Variants in EPHA10 observed in about 807,000 individuals in gnomAD.
The protein encoded by EPHA10 is EPH receptor A10, also known as ephrin type-A receptor 10.
A neutral mutation model predicts 109.7 loss-of-function variants in EPHA10; 120 were observed. The ratio of observed to expected loss-of-function variants is 1.09; its 90% confidence interval spans 0.94 to 1.27. EPHA10 has a LOEUF of 1.27. EPHA10 is among the 50% of genes most tolerant of loss of function. EPHA10 has a pLI of 0.00. For missense variants in EPHA10, 1,396 were observed against 1,411.1 expected (o/e 0.99, Z 0.17); for synonymous variants, 640 against 618.9 (o/e 1.03, Z -0.51).
intron 1 of EPHA10, among the ~76,000 whole-genome samples, chr1:37,763,213 T>C (rs919510494): frequency 6.6e-6 from 1 of 152,194 alleles, no homozygotes; most frequent in Non-Finnish European, 1.5e-5. Context: ...TGTTTTCTTT[T>C]GGAGGCTCTG....
chr1:37,725,914 A>C (rs1645883292), intron 8 of EPHA10, among the ~76,000 whole-genome samples: 1 of 152,184 alleles, frequency 6.6e-6, no homozygotes, highest in Admixed American at 6.5e-5. Flanking sequence ...GGTGCTGCAG[A>C]CAGCCCACCA....
intron 3 of EPHA10, chr1:37,761,105 C>A (rs116544770): frequency 0.24 from 213,745 of 877,720 alleles, 9,878 homozygotes; most frequent in East Asian, 0.28. Context: ...AAAAAAAAAA[C>A]AATGACTTCC....
At chr1:37,723,873 G>C (rs6689543) in intron 8 of EPHA10, among the ~76,000 whole-genome samples, 10,279 of 152,332 alleles carry the variant, frequency 0.067, 439 homozygotes, top group Middle Eastern at 0.16. Flanking sequence ...CATTGTGGAG[G>C]GCTTCCTGAG....
At chr1:37,730,587 T>C (rs1222428121) in intron 7 of EPHA10, among the ~76,000 whole-genome samples, 1 of 152,154 alleles carries the variant, frequency 6.6e-6, no homozygotes, top group African/African-American at 2.4e-5. Context: ...AAGCCGGAGA[T>C]GTTTTCAGAT....
intron 5 of EPHA10, chr1:37,737,989 T>TG (rs35777297): frequency 0.79 from 109,109 of 137,446 alleles, 43,392 homozygotes; most frequent in Admixed American, 0.85. Flanking sequence ...GGAGTGGAGA[T>TG]GAACAAAGAA....
Position 37,720,142 on chromosome 1 carries a change from G to A in EPHA10, c.2413-84C>T, listed in dbSNP as rs12124242. ...CCCCACTGAGCCCCAGATCCAGCCT[G>A]CATGTCATCCTCCCAGGCAACCCCC... On this transcript the variant is annotated intron_variant, in intron 13 of 16. Transcript: ENST00000373048. 0.16 allele frequency: 243,354 copies of A among 1,542,458 alleles called. 20,278 individuals are homozygous for A. Among genetic ancestry groups the A allele is most frequent in the Non-Finnish European group, 0.17 (193,387 of 1,140,030 alleles).
In EPHA10 at chr1:37,753,062, G is replaced by A; in HGVS notation, c.1171C>T (p.Pro391Ser). The change falls in exon 5 of 17, where the codon CCG becomes TCG. Residue 391 changes from proline (P) to serine (S), a missense_variant. Coordinates refer to ENST00000373048, the MANE Select transcript of EPHA10 (RefSeq NM_001099439.2). ...AGGAAGGCCACGCGCGGCCCGCACGGCTCGCAGGCGCCCGCCGGGCCCTCG... is the reference window on the plus strand; with the variant it reads ...AGGAAGGCCACGCGCGGCCCGCACGACTCGCAGGCGCCCGCCGGGCCCTCG... ...GREGPAGACE[P>S]CGPRVAFLPR... 7.9e-7 allele frequency: 1 copy of A among 1,271,676 alleles called. No homozygotes were observed. The highest frequency in any genetic ancestry group is 9.9e-7 in the Non-Finnish European group (1 of 1,010,414). 78.8% of individuals were successfully genotyped at this position (1,271,676 alleles called of 1,614,324 possible). A position where few individuals can be genotyped will look rare whatever the true frequency, so the allele number is the denominator to read the frequency against.
At chr1:37,728,463 A>C (rs1569662116) in intron 7 of EPHA10, among the ~76,000 whole-genome samples, 1 of 152,306 alleles carries the variant, frequency 6.6e-6, no homozygotes, top group Admixed American at 6.5e-5. Context: ...AAAAGTACTA[A>C]GTGGCCCTGA....
rs1248282546 is a variant in EPHA10 at position 37,720,023 on chromosome 1, C to T, written c.2448G>A (p.Glu816=). 6 of 1,613,640 alleles carry T rather than the reference C, an allele frequency of 3.7e-6. No individual in the cohort carries two copies. The South Asian group carries it at 6.6e-5, about 18-fold the overall frequency. ...GRSPALWAAP[E]TLQFGHFSSA... is the part of the protein sequence containing the mutation. ...AGCTGAAGTGGCCAAACTGAAGTGT[C>T]TCGGGAGCGGCCCATAGCGCTGGGC... Residue 816 remains glutamate, a synonymous_variant, in exon 14 of 17, where the codon GAG becomes GAA. Coordinates refer to ENST00000373048, the MANE Select transcript of EPHA10 (RefSeq NM_001099439.2).
intron 10 of EPHA10, chr1:37,722,701 C>G: frequency 2.4e-6 from 1 of 411,380 alleles, no homozygotes; most frequent in South Asian, 2.0e-5. Flanking sequence ...AGAGCCAGGA[C>G]TAGAACTCAG....
At position 37,727,203 on chromosome 1, in the gene EPHA10, T is replaced by C; in HGVS notation, c.1671A>G (p.Ser557=). ...TGGCGGGGCTCTGGTCCCTGGACCCTGAGGCAGCTGGGAGGAAAATCACGA... is the reference window on the plus strand; with the variant it reads ...TGGCGGGGCTCTGGTCCCTGGACCCCGAGGCAGCTGGGAGGAAAATCACGA... ...IEVQTLGEAA[S]GSRDQSPAIV... The change falls in exon 8 of 17, where the codon TCA becomes TCG. Residue 557 remains serine, a synonymous_variant. Transcript: ENST00000373048. The C allele has an allele frequency of 6.3e-7, 1 of 1,599,820 alleles. No homozygotes were observed. The highest frequency in any genetic ancestry group is 8.5e-7 in the Non-Finnish European group (1 of 1,172,770).
Position 37,761,641 on chromosome 1 carries a change from C to T in EPHA10, c.614G>A (p.Arg205His). The T allele has an allele frequency of 1.9e-6, 3 of 1,605,764 alleles. No homozygotes were observed. Among genetic ancestry groups the T allele is most frequent in the South Asian group, 2.2e-5 (2 of 91,054 alleles). Residue 205 changes from arginine (R) to histidine (H), a missense_variant, in exon 3 of 17, where the codon CGC (arginine) becomes CAC (histidine). Arg to His is a conservative substitution (Grantham distance 29, BLOSUM62 0). Coordinates refer to ENST00000373048, the MANE Select transcript of EPHA10 (RefSeq NM_001099439.2). Reference sequence around the variant, plus strand: ...GGCGCGGCACTGCTTGTAGTAGACGCGCACCGAGACAAGCGCCACGCATGC... The same window carrying T: ...GGCGCGGCACTGCTTGTAGTAGACGTGCACCGAGACAAGCGCCACGCATGC... ...VGACVALVSV[R>H]VYYKQCRATV...
At position 37,754,969 on chromosome 1, in the gene EPHA10, T is replaced by G. The variant is rs1646381323; in HGVS notation, c.851-599A>C. On this transcript the variant is annotated intron_variant, in intron 3 of 16. Coordinates refer to ENST00000373048, the MANE Select transcript of EPHA10 (RefSeq NM_001099439.2). The surrounding 1 kb of genome is among the most constrained non-coding windows in gnomAD (Gnocchi z 4.5). The stretch of plus-strand genomic sequence containing the variant: ...TGCACCACCATGCCCAGTTACTTTT[T>G]TTGTATTTTTAGTAGAGATGGAGTT... Among the ~76,000 whole-genome samples, 1 of 152,034 alleles carries G rather than the reference T, an allele frequency of 6.6e-6. No homozygotes were observed. Among genetic ancestry groups the G allele is most frequent in the African/African-American group, 2.4e-5 (1 of 41,374 alleles).
intron 8 of EPHA10, among the ~76,000 whole-genome samples, chr1:37,725,664 G>T (rs559488490): frequency 6.6e-6 from 1 of 152,278 alleles, no homozygotes; most frequent in African/African-American, 2.4e-5. Flanking sequence ...GTCACCCAGG[G>T]TGGTGACAGG....
In EPHA10 at chr1:37,721,738, C is replaced by G; in HGVS notation, c.2068G>C (p.Gly690Arg). 4 of 1,612,446 alleles carry G rather than the reference C, an allele frequency of 2.5e-6. No homozygotes were observed. Among genetic ancestry groups the G allele is most frequent in the Non-Finnish European group, 3.4e-6 (4 of 1,179,840 alleles). ...AGCGTGAGGGCCTCGGCCAGGAAGC[C>G]GAGCCTCTGTGAGTCGGAGGCGCTG... ...RDSASDSQRL[G>R]FLAEALTLGQ... The change falls in exon 11 of 17, where the codon GGC becomes CGC. Residue 690 changes from glycine to arginine, a missense_variant. By Grantham distance (125) the Gly-to-Arg change is moderately radical. Coordinates refer to ENST00000373048, the MANE Select transcript of EPHA10 (RefSeq NM_001099439.2).
chr1:37,753,638 C>T (rs895726280), intron 4 of EPHA10, among the ~76,000 whole-genome samples: 3 of 131,920 alleles, frequency 2.3e-5, no homozygotes, highest in Non-Finnish European at 4.7e-5. Flanking sequence ...CGGATGAGCC[C>T]GGGGCAAGCG....
At chr1:37,762,416 C>T (rs949734710) in intron 2 of EPHA10, among the ~76,000 whole-genome samples, 2 of 152,110 alleles carry the variant, frequency 1.3e-5, no homozygotes, top group African/African-American at 4.8e-5. Context: ...CCTCCCCTAC[C>T]CCAAGTCTCC....
rs756613552 is a variant in EPHA10 at position 37,751,628 on chromosome 1, C to A, written c.1357+1248G>T. ...GTGGCTCACGTCTGTAATCCCAGCACTTTGGAAGCCTGAGGCCAGCAGATC... is the reference window on the plus strand; with the variant it reads ...GTGGCTCACGTCTGTAATCCCAGCAATTTGGAAGCCTGAGGCCAGCAGATC... On this transcript the variant is annotated intron_variant, in intron 5 of 16. Coordinates refer to ENST00000373048, the MANE Select transcript of EPHA10 (RefSeq NM_001099439.2). Among the ~76,000 whole-genome samples, 7 of 150,888 alleles carry A rather than the reference C, an allele frequency of 4.6e-5. No homozygotes were observed. The Admixed American group carries it at 4.6e-4, about 10-fold the overall frequency.
At chr1:37,742,102 T>C (rs745443548) in intron 5 of EPHA10, among the ~76,000 whole-genome samples, 1 of 152,206 alleles carries the variant, frequency 6.6e-6, no homozygotes, top group African/African-American at 2.4e-5. Context: ...GATAATTAGA[T>C]GAAAGCCTGA....
Sources: gnomAD v4.1 joint callset for allele counts (sites outside exome capture counted in the v4.1 genomes callset) on GRCh38, gnomAD v4.1.1 for gene constraint, Gnocchi (gnomAD v3.1) non-coding constraint, MANE v1.5 for transcripts, NCBI Gene and HGNC (gene_info 2026-07-23, HGNC 2026-07-21) for gene names.